BMPR1A: variants seen among roughly 807,000 people sequenced by gnomAD.
The protein encoded by BMPR1A is bone morphogenetic protein receptor type 1A, also known as bone morphogenetic protein receptor type-1A.
Under a neutral mutation model 66.0 loss-of-function variants are expected in BMPR1A, and 7 were observed. The observed-to-expected ratio is 0.11, with a 90% CI of 0.06 to 0.20. The LOEUF is 0.20. Among genes scored for constraint, BMPR1A ranks in the 10% least tolerant of loss-of-function variants. The probability of loss-of-function intolerance (pLI) is 1.00; values close to 1 mark genes in which losing one functional copy is unlikely to be tolerated. For missense variants in BMPR1A, 408 were observed against 669.1 expected, an observed-to-expected ratio of 0.61 and a Z score of 4.31; for synonymous variants, 200 against 229.7, an observed-to-expected ratio of 0.87 and a Z score of 1.17.
intron 1 of BMPR1A, among the ~76,000 whole-genome samples, chr10:86,829,677 T>C (rs1842242117): frequency 6.6e-6 from 1 of 152,238 alleles, no homozygotes; most frequent in Non-Finnish European, 1.5e-5. Flanking sequence ...ACATAGTATG[T>C]GACCTTTTAA....
chr10:86,765,532 C>G (rs1456801011), intron 1 of BMPR1A, among the ~76,000 whole-genome samples: 1 of 151,686 alleles, frequency 6.6e-6, no homozygotes, highest in African/African-American at 2.4e-5. Context: ...CCTATGAAGC[C>G]CTCCTCAGTG....
At chr10:86,841,894 G>T (rs936786971) in intron 2 of BMPR1A, among the ~76,000 whole-genome samples, 14 of 152,200 alleles carry the variant, frequency 9.2e-5, no homozygotes, top group African/African-American at 2.7e-4. Flanking sequence ...AAAGAACTGG[G>T]TTCAGAGAGC....
intron 2 of BMPR1A, among the ~76,000 whole-genome samples, chr10:86,865,082 G>GTATCCCCTGTGACTTGCACATA (rs373467337): frequency 0.06 from 9,077 of 152,140 alleles, 628 homozygotes; most frequent in African/African-American, 0.16. Context: ...CCGAGCCATC[G>GTATCCCCTGTGACTTGCACATA]TATCCCCTGT....
intron 5 of BMPR1A, among the ~76,000 whole-genome samples, chr10:86,897,599 A>G (rs1055533381): frequency 3.3e-5 from 5 of 152,074 alleles, no homozygotes; most frequent in African/African-American, 7.2e-5. Context: ...TTTCCCCCCA[A>G]CTACTCTATA....
intron 2 of BMPR1A, among the ~76,000 whole-genome samples, chr10:86,872,184 C>T (rs1043621565): frequency 2.0e-5 from 3 of 152,198 alleles, no homozygotes; most frequent in Non-Finnish European, 4.4e-5. Flanking sequence ...ATAAAAATTT[C>T]TTGCAGATTG....
At chr10:86,872,106 A>G (rs1842861748) in intron 2 of BMPR1A, among the ~76,000 whole-genome samples, 1 of 152,196 alleles carries the variant, frequency 6.6e-6, no homozygotes, top group Non-Finnish European at 1.5e-5. Flanking sequence ...ACCAATACGT[A>G]TTGAGCTCGT....
chr10:86,825,002 C>T (rs961511570), intron 1 of BMPR1A, among the ~76,000 whole-genome samples: 6 of 151,358 alleles, frequency 4.0e-5, no homozygotes, highest in South Asian at 2.1e-4. Flanking sequence ...TAAATTTTAA[C>T]GTACACTATT....
intron 1 of BMPR1A, among the ~76,000 whole-genome samples, chr10:86,760,230 TTCTTTCTTTC>T: frequency 9.3e-6 from 1 of 107,958 alleles, no homozygotes; most frequent in Non-Finnish European, 1.9e-5. Context: ...TGTTTTTTCT[TTCTTTCTTTC>T]TTTCTTTCTT....
chr10:86,760,244 CTTTCTTTTTTTTTTT>C (rs1841027564), intron 1 of BMPR1A, among the ~76,000 whole-genome samples: 1 of 27,826 alleles, frequency 3.6e-5, no homozygotes, highest in Non-Finnish European at 6.5e-5. Flanking sequence ...TTCTTTCTTT[CTTTCTTTTTTTTTTT>C]TTTTTTTTTT....
chr10:86,867,024 C>T (rs1842795468), intron 2 of BMPR1A, among the ~76,000 whole-genome samples: 1 of 152,106 alleles, frequency 6.6e-6, no homozygotes, highest in African/African-American at 2.4e-5. Flanking sequence ...CATTAAATAC[C>T]ACCACATATC....
At chr10:86,883,423 G>C (rs11202246) in intron 3 of BMPR1A, among the ~76,000 whole-genome samples, 13 of 151,524 alleles carry the variant, frequency 8.6e-5, no homozygotes, top group Non-Finnish European at 1.8e-4. Flanking sequence ...GGTGGCGGGC[G>C]CCTGTAGTCC....
intron 1 of BMPR1A, among the ~76,000 whole-genome samples, chr10:86,776,908 C>T (rs1841357815): frequency 6.6e-6 from 1 of 152,132 alleles, no homozygotes; most frequent in Non-Finnish European, 1.5e-5. Context: ...TACCCCAGTT[C>T]TGTTATACAA....
rs142454490 is a variant in BMPR1A, at chr10:86,890,092, C to G, written c.98C>G (p.Thr33Ser). Reference sequence around the variant, plus strand: ...AATCTGGATAGTATGCTTCATGGCACTGGGATGAAATCAGACTCCGACCAG... The same window carrying G: ...AATCTGGATAGTATGCTTCATGGCAGTGGGATGAAATCAGACTCCGACCAG... Reference protein sequence around the residue: ...GQNLDSMLHGTGMKSDSDQKK... With the variant: ...GQNLDSMLHGSGMKSDSDQKK... The change falls in exon 4 of 13, where the codon ACT becomes AGT. Residue 33 changes from threonine (T) to serine (S), a missense_variant. Transcript: ENST00000372037. The G allele has an allele frequency of 2.6e-5, 42 of 1,613,542 alleles. No homozygotes were observed. The African/African-American group carries it at 5.3e-4, about 20-fold the overall frequency.
intron 1 of BMPR1A, among the ~76,000 whole-genome samples, chr10:86,825,444 AAATT>A (rs1407891422): frequency 6.6e-6 from 1 of 151,540 alleles, no homozygotes; most frequent in African/African-American, 2.4e-5. Flanking sequence ...TTTAAGCAAA[AAATT>A]AATTTTTCAT....
At chr10:86,839,871 A>G (rs972625109) in intron 2 of BMPR1A, among the ~76,000 whole-genome samples, 4 of 152,084 alleles carry the variant, frequency 2.6e-5, no homozygotes, top group African/African-American at 7.2e-5. Context: ...TGTGTTGCTC[A>G]GGCTGGTCTT....
chr10:86,917,948 C>T (rs1843602467), intron 9 of BMPR1A, among the ~76,000 whole-genome samples: 7 of 152,166 alleles, frequency 4.6e-5, no homozygotes, highest in Admixed American at 4.6e-4. Flanking sequence ...AACGTATTCA[C>T]TCAGTTTTCG....
downstream of BMPR1A, chr10:86,931,625 C>T (rs74569108): frequency 6.6e-6 from 1 of 152,048 alleles, no homozygotes; most frequent in African/African-American, 2.4e-5. Context: ...TCTAGCATCC[C>T]TTGTCACCAG....
At chr10:86,908,882 A>G (rs1485411477) in intron 7 of BMPR1A, among the ~76,000 whole-genome samples, 1 of 152,198 alleles carries the variant, frequency 6.6e-6, no homozygotes, top group Non-Finnish European at 1.5e-5. Context: ...GGAAGGTGTC[A>G]TCTTCTCCTC....
chr10:86,922,137 A>C (rs756896125), intron 11 of BMPR1A, among the ~76,000 whole-genome samples: 59 of 152,206 alleles, frequency 3.9e-4, no homozygotes, highest in Middle Eastern at 3.4e-3. Flanking sequence ...TCTCACAAGT[A>C]AGTGAGAACA....
Sources: gnomAD v4.1 joint callset for allele counts (sites outside exome capture counted in the v4.1 genomes callset) on GRCh38, gnomAD v4.1.1 for gene constraint, MANE v1.5 for transcripts, NCBI Gene and HGNC (gene_info 2026-07-23, HGNC 2026-07-21) for gene names.